The following TUBD1 variants were observed in gnomAD, a reference collection of about 807,000 sequenced individuals.
TUBD1 encodes tubulin delta 1.
Under a neutral mutation model 51.2 loss-of-function variants are expected in TUBD1, and 38 were observed. The ratio of observed to expected loss-of-function variants is 0.74; its 90% CI spans 0.57 to 0.97. The LOEUF (loss-of-function observed/expected upper bound fraction) is 0.97, where lower values mean the gene tolerates loss of function less well. TUBD1 is among the 50% of genes least tolerant of loss of function. TUBD1 has a pLI of 0.00. For synonymous variants in TUBD1, 169 were observed against 178.2 expected (o/e 0.95, Z 0.41); for missense variants, 489 against 538.4 (o/e 0.91, Z 0.91).
At chr17:59,889,326 T>G (rs1012502992) in intron 2 of TUBD1, among the ~76,000 whole-genome samples, 1 of 151,326 alleles carries the variant, frequency 6.6e-6, no homozygotes, top group Non-Finnish European at 1.5e-5. Flanking sequence ...AAAGAGTTTT[T>G]ATACGTTACT....
At position 59,874,555 on chromosome 17, in the gene TUBD1, A is replaced by G. The variant is rs747075197; in HGVS notation, c.918T>C (p.Asn306=). Residue 306 remains asparagine (N), a synonymous_variant, in exon 6 of 9, where the codon AAT becomes AAC. Transcript: ENST00000325752. The stretch of plus-strand genomic sequence containing the variant: ...ACTCTTTACCTTCTTCCATCTTTGC[A>G]TTAGAAATGAGCATCTGTCTCAAAT... The part of the protein sequence containing the change: ...LKHLRQMLIS[N]AKMEEGIDRH... The G allele has an allele frequency of 1.9e-6, 3 of 1,611,118 alleles. No homozygotes were observed. The highest frequency in any genetic ancestry group is 1.7e-5 in the Admixed American group (1 of 59,062).
chr17:59,876,342 CTGTT>C (rs949301243), intron 5 of TUBD1, among the ~76,000 whole-genome samples: 6 of 146,948 alleles, frequency 4.1e-5, no homozygotes, highest in South Asian at 4.2e-4. Flanking sequence ...CCATGCCTAA[CTGTT>C]TGTTTTTTTT....
At chr17:59,869,047 G>A (rs556923836) in intron 6 of TUBD1, among the ~76,000 whole-genome samples, 2 of 151,478 alleles carry the variant, frequency 1.3e-5, no homozygotes, top group African/African-American at 2.4e-5. Context: ...TCTTCCCACA[G>A]AGCAAAGAAT....
chr17:59,880,021 G>A (rs188006519), intron 4 of TUBD1, among the ~76,000 whole-genome samples: 2 of 152,174 alleles, frequency 1.3e-5, no homozygotes, highest in African/African-American at 4.8e-5. Flanking sequence ...CCAAAGTGCT[G>A]GGATTACAGG....
chr17:59,867,303 TG>T (rs2144449074), intron 6 of TUBD1, among the ~76,000 whole-genome samples: 2 of 152,212 alleles, frequency 1.3e-5, no homozygotes, highest in Admixed American at 1.3e-4. Context: ...CTGATGTAGC[TG>T]GGACTATAGG....
rs146943916 is a variant in TUBD1 at position 59,880,971 on chromosome 17, C to T, written c.460G>A (p.Val154Ile). Reference sequence around the variant, plus strand: ...TACTGATCTTCTAAATTCTGTGTAACGAAAGCTCCTAATCCTGATCCTGTG... The same window carrying T: ...TACTGATCTTCTAAATTCTGTGTAATGAAAGCTCCTAATCCTGATCCTGTG... ...GGTGSGLGAF[V>I]TQNLEDQYSN... Residue 154 changes from valine (V) to isoleucine (I), a missense_variant, in exon 4 of 9, where the codon GTT becomes ATT. Val to Ile is a conservative substitution (Grantham distance 29). Coordinates refer to ENST00000325752, the MANE Select transcript of TUBD1 (RefSeq NM_016261.4). The T allele has an allele frequency of 5.6e-6, 9 of 1,613,952 alleles. No homozygotes were observed. The highest frequency in any genetic ancestry group is 5.0e-5 in the Admixed American group (3 of 59,978).
At chr17:59,878,745 C>T (rs1005226827) in intron 4 of TUBD1, 5 of 171,846 alleles carry the variant, frequency 2.9e-5, no homozygotes, top group Admixed American at 1.6e-4. Context: ...TCCTAAAGTG[C>T]TGGGATTATA....
Position 59,886,021 on chromosome 17 carries a change from G to A in TUBD1, c.320+62C>T, listed in dbSNP as rs144779090. The A allele has an allele frequency of 4.7e-4, 731 of 1,549,530 alleles. 17 individuals are homozygous for A. The East Asian group carries it at 0.016, about 35-fold the overall frequency. ...ATATCAACTATACAGTTCTAACTTTGCTATCTATTAATTGACTGTGTAGCT... is the reference window on the plus strand; with the variant it reads ...ATATCAACTATACAGTTCTAACTTTACTATCTATTAATTGACTGTGTAGCT... On this transcript the variant is annotated intron_variant, in intron 3 of 8. Transcript: ENST00000325752.
intron 6 of TUBD1, among the ~76,000 whole-genome samples, chr17:59,867,204 G>A (rs1227330147): frequency 6.6e-6 from 1 of 151,904 alleles, no homozygotes; most frequent in Admixed American, 6.6e-5. Flanking sequence ...ATGTCACCCA[G>A]GCTGGAGTGC....
intron 4 of TUBD1, among the ~76,000 whole-genome samples, chr17:59,880,670 A>G (rs551107032): frequency 1.3e-5 from 2 of 151,184 alleles, no homozygotes; most frequent in Non-Finnish European, 2.9e-5. Context: ...GCCCGCCACC[A>G]CGCCTGGCTA....
At chr17:59,872,770 T>C (rs986113780) in intron 6 of TUBD1, among the ~76,000 whole-genome samples, 1 of 142,994 alleles carries the variant, frequency 7.0e-6, no homozygotes, top group Non-Finnish European at 1.5e-5. Flanking sequence ...CAATTCTCAA[T>C]TTTTTTTTTT....
At chr17:59,882,576 G>A (rs951927362) in intron 3 of TUBD1, among the ~76,000 whole-genome samples, 2 of 151,604 alleles carry the variant, frequency 1.3e-5, no homozygotes, top group African/African-American at 4.8e-5. Flanking sequence ...TATTAGCCAC[G>A]GCACCTGGCA....
intron 2 of TUBD1, among the ~76,000 whole-genome samples, chr17:59,887,467 T>C (rs1254548919): frequency 6.6e-6 from 1 of 151,818 alleles, no homozygotes; most frequent in Non-Finnish European, 1.5e-5. Context: ...AGGAACATCA[T>C]ATTTAGAGGT....
chr17:59,877,050 G>C (rs1212288122), intron 5 of TUBD1, among the ~76,000 whole-genome samples: 1 of 151,784 alleles, frequency 6.6e-6, no homozygotes, highest in African/African-American at 2.4e-5. Flanking sequence ...TGTAGAGCTG[G>C]GGTTTCACCG....
chr17:59,885,161 C>T (rs2040662904), intron 3 of TUBD1: 1 of 378,330 alleles, frequency 2.6e-6, no homozygotes, highest in Non-Finnish European at 5.2e-6. Context: ...AAGGACAGGC[C>T]ACTGCCCTCA....
At chr17:59,867,115 A>C (rs915166642) in intron 6 of TUBD1, among the ~76,000 whole-genome samples, 2 of 151,738 alleles carry the variant, frequency 1.3e-5, no homozygotes, top group South Asian at 2.1e-4. Context: ...AGATTTTATA[A>C]ATGGCTTTGA....
intron 6 of TUBD1, among the ~76,000 whole-genome samples, chr17:59,869,178 A>G (rs2039861499): frequency 6.6e-6 from 1 of 151,850 alleles, no homozygotes; most frequent in Non-Finnish European, 1.5e-5. Flanking sequence ...ACAACTGTGA[A>G]AAAATGCTGA....
chr17:59,885,397 G>C (rs749520356), intron 3 of TUBD1: 1 of 1,001,352 alleles, frequency 1.0e-6, no homozygotes, highest in Non-Finnish European at 1.6e-6. Flanking sequence ...GCAGCTGTTC[G>C]GCTTCATGGC....
intron 2 of TUBD1, among the ~76,000 whole-genome samples, chr17:59,890,069 C>T (rs535092856): frequency 4.0e-5 from 6 of 150,544 alleles, no homozygotes; most frequent in East Asian, 2.0e-4. Context: ...GAATAGCCAC[C>T]GCACTCCAGC....
Sources: gnomAD v4.1 joint callset for allele counts (sites outside exome capture counted in the v4.1 genomes callset) on GRCh38, gnomAD v4.1.1 for gene constraint, MANE v1.5 for transcripts, NCBI Gene and HGNC (gene_info 2026-07-23, HGNC 2026-07-21) for gene names.